Variants in TLE4 observed in about 807,000 individuals in gnomAD.
TLE4 encodes the protein TLE family member 4, transcriptional corepressor.
Under a neutral mutation model 92.8 loss-of-function variants are expected in TLE4, and 8 were observed. The observed-to-expected ratio is 0.09, with a 90% CI of 0.05 to 0.16. The LOEUF is 0.16. Ranked by LOEUF, TLE4 falls within the 10% of genes least tolerant of loss-of-function variation. The pLI is 1.00. For synonymous variants in TLE4, 371 were observed against 374.1 expected (o/e 0.99, Z 0.10); for missense variants, 675 against 997.6 (o/e 0.68, Z 4.36).
chr9:79,614,881 C>T (rs1234630802), intron 5 of TLE4, among the ~76,000 whole-genome samples: 1 of 152,102 alleles, frequency 6.6e-6, no homozygotes, highest in Admixed American at 6.6e-5. Flanking sequence ...GTGATTTCTT[C>T]TTCCAGTGTG....
chr9:79,649,607 A>G, intron 6 of TLE4: 1 of 238,470 alleles, frequency 4.2e-6, no homozygotes, highest in Non-Finnish European at 8.4e-6. Flanking sequence ...GCAGGTGGAG[A>G]GGCTGGCCTT....
chr9:79,645,996 C>T (rs369537022), intron 6 of TLE4, among the ~76,000 whole-genome samples: 48 of 152,046 alleles, frequency 3.2e-4, no homozygotes, highest in African/African-American at 1.1e-3. Flanking sequence ...TATGTATGTA[C>T]GTTTATTTTA....
chr9:79,721,684 T>C, intron 16 of TLE4, 57 bp from the exon 17 acceptor site: 1 of 1,608,774 alleles, frequency 6.2e-7, no homozygotes, highest in Admixed American at 1.7e-5. Flanking sequence ...AATTCTAAAT[T>C]GATTTTAACT....
intron 5 of TLE4, among the ~76,000 whole-genome samples, chr9:79,615,464 C>T (rs2049326469): frequency 6.6e-6 from 1 of 152,118 alleles, no homozygotes; most frequent in African/African-American, 2.4e-5. Flanking sequence ...CATAAGCTAA[C>T]AGAACATTGG....
chr9:79,725,319 G>C lies in TLE4; in HGVS notation c.*175G>C. 2 of 512,342 alleles carry C rather than the reference G, an allele frequency of 3.9e-6. No individual in the cohort carries two copies. Among genetic ancestry groups the C allele is most frequent in the East Asian group, 3.4e-5 (1 of 29,420 alleles). The allele number at this position is 512,342 out of a possible 1,614,324, so 31.7% of individuals were successfully genotyped here. Reference sequence around the variant, plus strand: ...CCCACTTGCTATTGAATTGTGAATAGTCATTAAAAACCTGTGATACCAAAT... The same window carrying C: ...CCCACTTGCTATTGAATTGTGAATACTCATTAAAAACCTGTGATACCAAAT... On this transcript the variant is annotated 3_prime_UTR_variant, in exon 20 of 20. Coordinates refer to ENST00000376552, the MANE Select transcript of TLE4 (RefSeq NM_007005.6).
intron 4 of TLE4, among the ~76,000 whole-genome samples, chr9:79,601,238 T>C (rs893374379): frequency 6.6e-6 from 1 of 152,238 alleles, no homozygotes; most frequent in Non-Finnish European, 1.5e-5. Flanking sequence ...TTTATTATTC[T>C]TTTGAATAGC....
chr9:79,686,349 T>G (rs2065843708), intron 8 of TLE4, among the ~76,000 whole-genome samples: 1 of 152,234 alleles, frequency 6.6e-6, no homozygotes, highest in Admixed American at 6.5e-5. Flanking sequence ...TTCTAAACAT[T>G]ATCAAAACAT....
intron 5 of TLE4, among the ~76,000 whole-genome samples, chr9:79,618,641 A>C (rs2050212739): frequency 6.6e-6 from 1 of 152,122 alleles, no homozygotes; most frequent in Non-Finnish European, 1.5e-5. Context: ...CACTCCTGTA[A>C]TTCCATGACT....
intron 4 of TLE4, among the ~76,000 whole-genome samples, chr9:79,585,202 A>T (rs2791569): frequency 3.9e-5 from 6 of 152,004 alleles, no homozygotes; most frequent in Non-Finnish European, 5.9e-5. Context: ...GATTGCTTAT[A>T]GTGTCGATAA....
intron 8 of TLE4, among the ~76,000 whole-genome samples, chr9:79,660,379 C>T (rs1271333732): frequency 6.6e-6 from 1 of 152,140 alleles, no homozygotes; most frequent in Non-Finnish European, 1.5e-5. Flanking sequence ...TTGGCCATAC[C>T]ATTAGCCAAG....
intron 8 of TLE4, among the ~76,000 whole-genome samples, chr9:79,704,335 G>A (rs28488183): frequency 6.6e-6 from 1 of 151,872 alleles, no homozygotes; most frequent in Non-Finnish European, 1.5e-5. Context: ...GGATGGTCTC[G>A]ACCTCCTGAC....
chr9:79,726,146 C>G lies in TLE4; in HGVS notation c.*1002C>G, dbSNP rs975364464. ...AGCAGAGGAGGGTTTGCAGAGACCT[C>G]CCTCTGAAAAACACAAAGAATGGAC... On this transcript the variant is annotated 3_prime_UTR_variant, in exon 20 of 20. Coordinates refer to ENST00000376552, the MANE Select transcript of TLE4 (RefSeq NM_007005.6). The G allele has an allele frequency of 3.9e-5, 6 of 152,594 alleles. No individual in the cohort carries two copies. The highest frequency in any genetic ancestry group is 5.9e-5 in the Non-Finnish European group (4 of 68,034). The allele number at this position is 152,594 out of a possible 1,614,324, so 9.5% of individuals were successfully genotyped here.
chr9:79,589,577 T>A (rs769780819), intron 4 of TLE4, among the ~76,000 whole-genome samples: 3 of 152,168 alleles, frequency 2.0e-5, no homozygotes, highest in Non-Finnish European at 4.4e-5. Context: ...GGTATTGGAT[T>A]GGCAGAAATT....
chr9:79,610,320 G>A (rs1028129813), intron 4 of TLE4, among the ~76,000 whole-genome samples: 8 of 152,042 alleles, frequency 5.3e-5, no homozygotes, highest in Non-Finnish European at 1.0e-4. Flanking sequence ...ATTAGACTCA[G>A]TTTCAAAACA....
intron 6 of TLE4, 192 bp downstream of exon 6, chr9:79,627,640 A>G: frequency 1.7e-6 from 1 of 604,228 alleles, no homozygotes; most frequent in East Asian, 2.8e-5. Context: ...ATTCTCACCA[A>G]TTTAAGTGGA....
chr9:79,611,148 A>G (rs774581849), intron 4 of TLE4, among the ~76,000 whole-genome samples: 2 of 152,058 alleles, frequency 1.3e-5, no homozygotes, highest in Admixed American at 6.6e-5. Flanking sequence ...ATTTCACCCC[A>G]TAACCACTGT....
chr9:79,652,934 T>A, intron 7 of TLE4, 140 bp downstream of exon 7: 1 of 947,186 alleles, frequency 1.1e-6, no homozygotes, highest in Non-Finnish European at 1.7e-6. Flanking sequence ...GTAAATTAAT[T>A]ACTGCAAGTA....
chr9:79,573,029 G>A (rs1248474273), intron 1 of TLE4, among the ~76,000 whole-genome samples, 194 bp downstream of exon 1: 1 of 152,080 alleles, frequency 6.6e-6, no homozygotes, highest in East Asian at 1.9e-4. Flanking sequence ...GGTGCGGAGA[G>A]GCAATTGAGT....
chr9:79,629,993 C>T lies in TLE4; in HGVS notation c.390+2545C>T, dbSNP rs549420071. Among the ~76,000 whole-genome samples, 348 of 152,178 alleles carry T rather than the reference C, an allele frequency of 2.3e-3. 6 individuals carry two copies. Among genetic ancestry groups the T allele is most frequent in the South Asian group, 2.5e-3 (12 of 4,814 alleles). On this transcript the variant is annotated intron_variant, in intron 6 of 19. Transcript: ENST00000376552. ...GGGGTCAGTTTTTAGATTTTTGTTACTTGGTTTTTAGAATGTAGTCAGCAG... is the reference window on the plus strand; with the variant it reads ...GGGGTCAGTTTTTAGATTTTTGTTATTTGGTTTTTAGAATGTAGTCAGCAG...
Sources: allele counts gnomAD v4.1 joint callset (sites outside exome capture counted in the v4.1 genomes callset), GRCh38; gene constraint gnomAD v4.1.1; transcripts MANE v1.5; gene names NCBI Gene and HGNC (gene_info 2026-07-23, HGNC 2026-07-21).